GNAQ: variants seen among roughly 807,000 people sequenced by gnomAD.
The protein encoded by GNAQ is guanine nucleotide-binding protein G(q) subunit alpha.
GNAQ carries 8 observed loss-of-function variants against 43.9 expected under a neutral mutation model. That is an observed-to-expected ratio of 0.18 (90% CI 0.11 to 0.33). The LOEUF (loss-of-function observed/expected upper bound fraction) is 0.33, where lower values mean the gene tolerates loss of function less well. Among genes scored for constraint, GNAQ ranks in the 10% least tolerant of loss-of-function variants. The probability of loss-of-function intolerance (pLI) is 1.00; values close to 1 mark genes in which losing one functional copy is unlikely to be tolerated. For missense variants in GNAQ, 158 were observed against 450.8 expected (o/e 0.35, Z 5.88); for synonymous variants, 155 against 170.7 (o/e 0.91, Z 0.71).
intron 1 of GNAQ, among the ~76,000 whole-genome samples, chr9:77,978,699 G>C (rs530022365): frequency 1.3e-5 from 2 of 152,196 alleles, no homozygotes; most frequent in African/African-American, 4.8e-5. Context: ...AGTCAAATGG[G>C]TTCTCTTTTC....
At chr9:77,812,713 T>TATTAGGTAA (rs1355785198) in intron 3 of GNAQ, among the ~76,000 whole-genome samples, 1 of 152,086 alleles carries the variant, frequency 6.6e-6, no homozygotes, top group African/African-American at 2.4e-5. Context: ...TAATTTTAGG[T>TATTAGGTAA]ATAATAATGT....
At chr9:77,867,619 T>C (rs1459029614) in intron 2 of GNAQ, among the ~76,000 whole-genome samples, 3 of 152,192 alleles carry the variant, frequency 2.0e-5, no homozygotes, top group African/African-American at 4.8e-5. Flanking sequence ...AAGGAGAGCA[T>C]GCTTGGGCTT....
intron 1 of GNAQ, among the ~76,000 whole-genome samples, chr9:77,957,912 A>G (rs1383151023): frequency 1.3e-5 from 2 of 152,214 alleles, no homozygotes; most frequent in East Asian, 1.9e-4. Flanking sequence ...GGCAACTTAC[A>G]TAGTGTGGCA....
intron 2 of GNAQ, among the ~76,000 whole-genome samples, chr9:77,882,929 A>G (rs926237832): frequency 2.0e-5 from 3 of 152,238 alleles, no homozygotes; most frequent in Non-Finnish European, 4.4e-5. Flanking sequence ...CATACCAATA[A>G]GTCTATTGTT....
chr9:77,894,411 T>C (rs1457352710), intron 2 of GNAQ, among the ~76,000 whole-genome samples: 1 of 118,008 alleles, frequency 8.5e-6, no homozygotes, highest in East Asian at 2.4e-4. Flanking sequence ...TTTATATATA[T>C]ATTTAATAGA....
At chr9:77,863,229 A>AGG (rs1827889164) in intron 2 of GNAQ, among the ~76,000 whole-genome samples, 3 of 152,132 alleles carry the variant, frequency 2.0e-5, no homozygotes, top group East Asian at 1.9e-4. Context: ...GGAGGAAGGA[A>AGG]GAAAGGAAGG....
At chr9:77,779,180 C>T (rs796407863) in intron 5 of GNAQ, among the ~76,000 whole-genome samples, 62 of 151,858 alleles carry the variant, frequency 4.1e-4, no homozygotes, top group African/African-American at 1.4e-3. Flanking sequence ...ATAAAAGACA[C>T]CTTAACAAAT....
chr9:77,864,856 T>C (rs1235646875), intron 2 of GNAQ, among the ~76,000 whole-genome samples: 2 of 152,184 alleles, frequency 1.3e-5, no homozygotes, highest in Non-Finnish European at 2.9e-5. Context: ...GACTGTCTTC[T>C]ACCACATCAT....
At chr9:77,932,959 C>T (rs1483863110) in intron 1 of GNAQ, among the ~76,000 whole-genome samples, 1 of 152,012 alleles carries the variant, frequency 6.6e-6, no homozygotes, top group Non-Finnish European at 1.5e-5. Flanking sequence ...GAGGAGATGA[C>T]ATAGGGAGAA....
At chr9:77,791,427 T>G (rs146488431) in intron 5 of GNAQ, among the ~76,000 whole-genome samples, 2 of 152,300 alleles carry the variant, frequency 1.3e-5, no homozygotes, top group African/African-American at 4.8e-5. Flanking sequence ...GAATAGTGGA[T>G]TCCATGCTGG....
chr9:77,752,798 A>G (rs1825832126), intron 5 of GNAQ, among the ~76,000 whole-genome samples: 1 of 152,220 alleles, frequency 6.6e-6, no homozygotes, highest in Admixed American at 6.5e-5. Flanking sequence ...TTTCAAAATT[A>G]GCATTCTTTT....
chr9:77,760,968 T>C (rs1214929970), intron 5 of GNAQ, among the ~76,000 whole-genome samples: 38 of 149,198 alleles, frequency 2.5e-4, no homozygotes, highest in Admixed American at 1.5e-3. Flanking sequence ...ACCCTCCGCC[T>C]GGCAACCGCC....
intron 1 of GNAQ, among the ~76,000 whole-genome samples, chr9:77,952,456 AAAT>A (rs1349008542): frequency 3.3e-5 from 5 of 152,212 alleles, no homozygotes; most frequent in Admixed American, 6.5e-5. Context: ...TTGATGACAC[AAAT>A]AATAAAAAAG....
intron 1 of GNAQ, among the ~76,000 whole-genome samples, chr9:77,946,668 T>C (rs1158864352): frequency 6.6e-6 from 1 of 152,260 alleles, no homozygotes; most frequent in Non-Finnish European, 1.5e-5. Context: ...TTCTCTGTAT[T>C]GTTGTTAACT....
At chr9:77,738,213 C>G (rs554275161) in intron 5 of GNAQ, among the ~76,000 whole-genome samples, 3 of 152,272 alleles carry the variant, frequency 2.0e-5, no homozygotes, top group Non-Finnish European at 4.4e-5. Context: ...CGGTTGTGTG[C>G]AAACACCTGC....
rs868812337 is a variant in GNAQ, at chr9:78,006,092, C to T, written c.136+25008G>A. On this transcript the variant is annotated intron_variant, in intron 1 of 6. Coordinates refer to ENST00000286548, the MANE Select transcript of GNAQ (RefSeq NM_002072.5). ...CAAATGGATTCCTGGAACGTGAGTT[C>T]TAATAATGCTATTGATTTAAATGCC... Among the ~76,000 whole-genome samples, 33 of 152,102 alleles carry T rather than the reference C, an allele frequency of 2.2e-4. 1 individual carries two copies. Among genetic ancestry groups the T allele is most frequent in the African/African-American group, 7.5e-4 (31 of 41,410 alleles).
At chr9:78,013,003 T>A (rs961886202) in intron 1 of GNAQ, among the ~76,000 whole-genome samples, 2 of 151,928 alleles carry the variant, frequency 1.3e-5, no homozygotes, top group African/African-American at 4.8e-5. Context: ...CAAAAGACAG[T>A]GAAGAAAGGG....
At chr9:77,821,112 C>T (rs571746594) in intron 2 of GNAQ, among the ~76,000 whole-genome samples, 1 of 152,240 alleles carries the variant, frequency 6.6e-6, no homozygotes, top group South Asian at 2.1e-4. Flanking sequence ...TGCCACATAT[C>T]CTTTCATTAA....
At chr9:77,758,205 T>C (rs1017431612) in intron 5 of GNAQ, among the ~76,000 whole-genome samples, 1 of 152,228 alleles carries the variant, frequency 6.6e-6, no homozygotes, top group South Asian at 2.1e-4. Context: ...TTCAGTTTTA[T>C]TTTTACCCAT....
Sources: allele counts gnomAD v4.1 joint callset (sites outside exome capture counted in the v4.1 genomes callset), GRCh38; gene constraint gnomAD v4.1.1; transcripts MANE v1.5; gene names NCBI Gene and HGNC (gene_info 2026-07-23, HGNC 2026-07-21).